Variants in TENM2 observed in about 807,000 individuals in gnomAD.
TENM2 encodes teneurin-2.
Under a neutral mutation model 245.2 loss-of-function variants are expected in TENM2, and 52 were observed. That is an observed-to-expected ratio of 0.21 (90% CI 0.17 to 0.27). The LOEUF is 0.27. TENM2 is among the 10% of genes least tolerant of loss of function. The pLI is 1.00. For synonymous variants in TENM2, 1,363 were observed against 1,438.9 expected (o/e 0.95, Z 1.19); for missense variants, 3,046 against 3,666.8 (o/e 0.83, Z 4.37).
chr5:167,870,183 C>A (rs547449939), intron 2 of TENM2, among the ~76,000 whole-genome samples: 2 of 152,190 alleles, frequency 1.3e-5, no homozygotes, highest in South Asian at 4.1e-4. Flanking sequence ...TCTCTCCTTA[C>A]AAATTATTTT....
intron 2 of TENM2, among the ~76,000 whole-genome samples, chr5:167,822,998 T>C (rs577260502): frequency 6.6e-6 from 1 of 152,272 alleles, no homozygotes; most frequent in Admixed American, 6.5e-5. Flanking sequence ...TGGGGTGAGA[T>C]CTTTGGAAAA....
At chr5:167,058,360 G>T in the TENM2 span, among the ~76,000 whole-genome samples, 1 of 152,054 alleles carries the variant, frequency 6.6e-6, no homozygotes, top group Non-Finnish European at 1.5e-5. Flanking sequence ...TTGACCAGGG[G>T]TGCAATATAT....
At chr5:167,626,708 C>T (rs1034031833) in intron 2 of TENM2, among the ~76,000 whole-genome samples, 31 of 151,988 alleles carry the variant, frequency 2.0e-4, no homozygotes, top group African/African-American at 7.3e-4. Flanking sequence ...AAAAAGCACT[C>T]GAAAAGGACA....
At chr5:167,475,145 A>G (rs950812325) in intron 2 of TENM2, among the ~76,000 whole-genome samples, 2 of 152,232 alleles carry the variant, frequency 1.3e-5, no homozygotes, top group African/African-American at 4.8e-5. Context: ...ACTTAGGTAT[A>G]TATAGAAATA....
At chr5:168,102,053 T>C (rs930511858) in intron 9 of TENM2, among the ~76,000 whole-genome samples, 5 of 150,988 alleles carry the variant, frequency 3.3e-5, no homozygotes, top group Non-Finnish European at 5.9e-5. Context: ...TTTTTTGTTT[T>C]TGTGTGTGTG....
chr5:167,105,713 C>A, the TENM2 span, among the ~76,000 whole-genome samples: 4 of 149,822 alleles, frequency 2.7e-5, no homozygotes, highest in South Asian at 8.4e-4. Context: ...ACGGTGAAAC[C>A]CCGTCTCTAC....
chr5:167,015,181 T>C, the TENM2 span, among the ~76,000 whole-genome samples: 2 of 152,216 alleles, frequency 1.3e-5, no homozygotes, highest in Non-Finnish European at 2.9e-5. Context: ...TTTCCTGTTA[T>C]ATTTTTTGAA....
chr5:167,356,217 A>AAAAAAAAAAAAAAAAAAAAAGAAAAATT (rs1759321624), intron 1 of TENM2, among the ~76,000 whole-genome samples: 5 of 129,104 alleles, frequency 3.9e-5, no homozygotes, highest in African/African-American at 1.3e-4. Flanking sequence ...AAAAAAAAAA[A>AAAAAAAAAAAAAAAAAAAAAGAAAAATT]AAAATTAAAA....
At chr5:168,132,403 AT>A (rs1754670885) in intron 12 of TENM2, among the ~76,000 whole-genome samples, 1 of 152,168 alleles carries the variant, frequency 6.6e-6, no homozygotes, top group African/African-American at 2.4e-5. Context: ...TTTTTATGTG[AT>A]TTAGTAATGT....
the TENM2 span, among the ~76,000 whole-genome samples, chr5:167,175,835 G>A: frequency 6.6e-6 from 1 of 152,146 alleles, no homozygotes; most frequent in African/African-American, 2.4e-5. Context: ...TCAGCCCCCC[G>A]AGTAGCTGGG....
chr5:167,889,085 C>A (rs1774524998), intron 3 of TENM2, among the ~76,000 whole-genome samples: 1 of 151,862 alleles, frequency 6.6e-6, no homozygotes, highest in Admixed American at 6.6e-5. Context: ...CTTTAAAAAA[C>A]AAAACAAAAC....
At chr5:167,650,681 C>T (rs1342693554) in intron 2 of TENM2, among the ~76,000 whole-genome samples, 1 of 152,102 alleles carries the variant, frequency 6.6e-6, no homozygotes, top group Non-Finnish European at 1.5e-5. Context: ...ACTTGAGAAG[C>T]AGAAGTGACC....
intron 4 of TENM2, among the ~76,000 whole-genome samples, chr5:167,957,167 A>C (rs998100812): frequency 2.0e-5 from 3 of 151,930 alleles, no homozygotes; most frequent in African/African-American, 4.8e-5. Flanking sequence ...TTATTGGTCT[A>C]TTCAGGGATT....
At chr5:167,617,249 T>C (rs538800315) in intron 2 of TENM2, among the ~76,000 whole-genome samples, 52 of 152,154 alleles carry the variant, frequency 3.4e-4, no homozygotes, top group South Asian at 3.1e-3. Flanking sequence ...AACACACACA[T>C]GCATACACAA....
chr5:167,949,969 A>G (rs1220414573), intron 3 of TENM2, among the ~76,000 whole-genome samples: 1 of 152,176 alleles, frequency 6.6e-6, no homozygotes, highest in East Asian at 1.9e-4. Context: ...AACGCTGGAT[A>G]ATTTTTGTTT....
the TENM2 span, among the ~76,000 whole-genome samples, chr5:167,251,339 C>T: frequency 6.6e-6 from 1 of 152,050 alleles, no homozygotes; most frequent in African/African-American, 2.4e-5. Flanking sequence ...AAACAACACC[C>T]TTCCATAGGA....
chr5:167,427,011 G>T (rs1763866614), intron 2 of TENM2, among the ~76,000 whole-genome samples: 1 of 152,030 alleles, frequency 6.6e-6, no homozygotes, highest in South Asian at 2.1e-4. Context: ...AACATGGCAG[G>T]GGTGAAAGAA....
intron 2 of TENM2, among the ~76,000 whole-genome samples, chr5:167,779,077 T>C (rs1764004372): frequency 6.6e-6 from 1 of 152,188 alleles, no homozygotes; most frequent in South Asian, 2.1e-4. Context: ...AGGAAGAAAC[T>C]TTTCATTCTA....
chr5:167,609,671 G>A (rs372949795), intron 2 of TENM2, among the ~76,000 whole-genome samples: 5 of 152,086 alleles, frequency 3.3e-5, no homozygotes, highest in South Asian at 2.1e-4. Context: ...GGATTGTTGC[G>A]TTAGAATTTG....
Sources: allele counts gnomAD v4.1 joint callset (sites outside exome capture counted in the v4.1 genomes callset), GRCh38; gene constraint gnomAD v4.1.1; transcripts MANE v1.5; gene names NCBI Gene and HGNC (gene_info 2026-07-23, HGNC 2026-07-21).